ZIC5: variants seen among roughly 807,000 people sequenced by gnomAD.
The protein encoded by ZIC5 is zinc finger protein ZIC 5.
In ZIC5, 20 loss-of-function variants were observed where a neutral mutation model predicts 28.5. That is an observed-to-expected ratio of 0.70 (90% CI 0.49 to 1.02). The LOEUF (loss-of-function observed/expected upper bound fraction) is 1.02. Ranked by LOEUF, ZIC5 falls within the 50% of genes least tolerant of loss-of-function variation. The pLI is 0.00. For synonymous variants in ZIC5, 488 were observed against 410.4 expected, an observed-to-expected ratio of 1.19 and a Z score of -2.29; for missense variants, 951 against 899.7, an observed-to-expected ratio of 1.06 and a Z score of -0.73.
Position 99,965,574 on chromosome 13 carries a change from AG to A in ZIC5, c.1722del (p.Leu575CysfsTer19). ...CTGGCTGGGTCCAGCACAGGGGACA[AG>A]GGGGCGCCCACTGGAGTCCCCACTG... ...YSSVGTPVGA[P>X]LSPVLDPARS... On this transcript the variant is annotated frameshift_variant, in exon 2 of 2. Coordinates refer to ENST00000267294, the MANE Select transcript of ZIC5 (RefSeq NM_033132.5). LOFTEE classifies it high-confidence loss of function. 2 of 1,613,890 alleles carry A rather than the reference AG, an allele frequency of 1.2e-6. No individual in the cohort carries two copies. Among genetic ancestry groups the A allele is most frequent in the Non-Finnish European group, 1.7e-6 (2 of 1,179,890 alleles).
chr13:99,970,962 G>T lies in ZIC5; in HGVS notation c.642C>A (p.Ala214=). Reference sequence around the variant, plus strand: ...TGCCGCTGGCGGAGATGAACATGCCGGCCGAGTGGGGAGGCGGGGCCGGGT... The same window carrying T: ...TGCCGCTGGCGGAGATGAACATGCCTGCCGAGTGGGGAGGCGGGGCCGGGT... ...PQHPAPPPHS[A]GMFISASGTY... The change falls in exon 1 of 2, where the codon GCC becomes GCA. Residue 214 remains alanine (A), a synonymous_variant. Coordinates refer to ENST00000267294, the MANE Select transcript of ZIC5 (RefSeq NM_033132.5). 1 of 1,398,756 alleles carries T rather than the reference G, an allele frequency of 7.1e-7. No homozygotes were observed. Among genetic ancestry groups the T allele is most frequent in the Non-Finnish European group, 9.2e-7 (1 of 1,088,148 alleles). 86.6% of individuals were successfully genotyped at this position (1,398,756 alleles called of 1,614,324 possible).
chr13:99,971,283 G>A lies in ZIC5; in HGVS notation c.321C>T (p.Pro107=). 7.4e-7 allele frequency: 1 copy of A among 1,344,382 alleles called. No homozygotes were observed. Among genetic ancestry groups the A allele is most frequent in the South Asian group, 1.9e-5 (1 of 51,296 alleles). The allele number at this position is 1,344,382 out of a possible 1,614,324, so 83.3% of individuals were successfully genotyped here. ...AARAAALVAH[P]GAGSYPCGGG... Reference sequence around the variant, plus strand: ...CGCCGCAGGGGTAGCTGCCCGCGCCGGGGTGCGCGACCAAGGCTGCAGCAC... The same window carrying A: ...CGCCGCAGGGGTAGCTGCCCGCGCCAGGGTGCGCGACCAAGGCTGCAGCAC... The change falls in exon 1 of 2, where the codon CCC becomes CCT. Residue 107 remains proline, a synonymous_variant. Transcript: ENST00000267294.
chr13:99,967,408 C>T (rs1360041082), intron 1 of ZIC5, among the ~76,000 whole-genome samples: 1 of 152,226 alleles, frequency 6.6e-6, no homozygotes, highest in Non-Finnish European at 1.5e-5. Context: ...TGTAGATGAG[C>T]TTTAACAAAA....
chr13:99,971,309 G>C lies in ZIC5; in HGVS notation c.295C>G (p.Arg99Gly). Residue 99 changes from arginine (R) to glycine (G), a missense_variant, in exon 1 of 2, where the codon CGT (arginine) becomes GGT (glycine). Around this residue, in one of 3 missense-constraint regions of ZIC5, gnomAD observed 784 missense variants for 660.1 expected, o/e 1.19. Coordinates refer to ENST00000267294, the MANE Select transcript of ZIC5 (RefSeq NM_033132.5). ...GGGTGCGCGACCAAGGCTGCAGCAC[G>C]GGCGGCGGCTGCCGGAGCCTCCGGG... ...AHPEAPAAAA[R>G]AAALVAHPGA... The C allele has an allele frequency of 1.6e-5, 22 of 1,369,724 alleles. No individual in the cohort carries two copies. Among genetic ancestry groups the C allele is most frequent in the Non-Finnish European group, 2.1e-5 (22 of 1,072,100 alleles). The allele number at this position is 1,369,724 out of a possible 1,614,324, so 84.8% of individuals were successfully genotyped here.
In ZIC5 at chr13:99,964,648, G is replaced by C. The variant is rs969172629; in HGVS notation, c.*729C>G. The C allele has an allele frequency of 2.6e-5, 4 of 152,510 alleles. No individual in the cohort carries two copies. The highest frequency in any genetic ancestry group is 7.2e-5 in the African/African-American group (3 of 41,392). The allele number at this position is 152,510 out of a possible 1,614,324, so 9.4% of individuals were successfully genotyped here. A position where few individuals can be genotyped will look rare whatever the true frequency, so the allele number is the denominator to read the frequency against. On this transcript the variant is annotated 3_prime_UTR_variant, in exon 2 of 2. Transcript: ENST00000267294. ...GATATGGAGATATATTAAGGTTGCT[G>C]CATCTTTTTTTAAAATCACACAGTA...
Position 99,965,350 on chromosome 13 carries a change from T to G in ZIC5, c.*27A>C. ...TGGTCCAAGGACTCCCACTTATTAT[T>G]TCACTTATTATTATTAATAATAAAT... On this transcript the variant is annotated 3_prime_UTR_variant, in exon 2 of 2. Coordinates refer to ENST00000267294, the MANE Select transcript of ZIC5 (RefSeq NM_033132.5). 2 of 1,586,094 alleles carry G rather than the reference T, an allele frequency of 1.3e-6. No homozygotes were observed. Among genetic ancestry groups the G allele is most frequent in the Non-Finnish European group, 1.7e-6 (2 of 1,167,068 alleles).
At chr13:99,966,284 T>C (rs959037959) in intron 1 of ZIC5, among the ~76,000 whole-genome samples, 1 of 152,034 alleles carries the variant, frequency 6.6e-6, no homozygotes, top group Non-Finnish European at 1.5e-5. Flanking sequence ...AGCAAACACA[T>C]ACACTAAATT....
chr13:99,963,005 T>C lies in ZIC5; in HGVS notation c.*2372A>G, dbSNP rs778450410. ...TCTATTTGTATGAGAGATATGCCAT[T>C]ATGTAAAACATAAGCAATAATAACA... On this transcript the variant is annotated 3_prime_UTR_variant, in exon 2 of 2. Transcript: ENST00000267294. 8 of 152,242 alleles carry C rather than the reference T, an allele frequency of 5.3e-5. No individual in the cohort carries two copies. Among genetic ancestry groups the C allele is most frequent in the Non-Finnish European group, 8.8e-5 (6 of 68,050 alleles). 9.4% of individuals were successfully genotyped at this position (152,242 alleles called of 1,614,324 possible).
In ZIC5 at chr13:99,970,012, C is replaced by G. The variant is rs2053135100; in HGVS notation, c.1477+115G>C. 5 of 1,499,480 alleles carry G rather than the reference C, an allele frequency of 3.3e-6. No homozygotes were observed. In the South Asian group the frequency reaches 4.7e-5, roughly 14 times the overall value. The allele number at this position is 1,499,480 out of a possible 1,614,324, so 92.9% of individuals were successfully genotyped here. On this transcript the variant is annotated intron_variant, in intron 1 of 1. Transcript: ENST00000267294. ...GTTATACGTATGCGAAGAGAAGCAG[C>G]AGAAGGAGAAAAAAATTAAGGCGAG...
chr13:99,966,651 C>T lies in ZIC5; in HGVS notation c.1478-832G>A, dbSNP rs187363401. ...TTACTTTATGCCATAAGTATACTTA[C>T]TCTCACAGCTCCCTACATTGCTTAC... On this transcript the variant is annotated intron_variant, in intron 1 of 1. Transcript: ENST00000267294. 5.3e-5 allele frequency among the ~76,000 whole-genome samples: 8 copies of T among 152,308 alleles called. No individual in the cohort carries two copies. The East Asian group carries it at 1.5e-3, about 29-fold the overall frequency.
At position 99,971,276 on chromosome 13, in the gene ZIC5, C is replaced by T; in HGVS notation, c.328G>A (p.Gly110Ser). The change falls in exon 1 of 2, where the codon GGC becomes AGC. Residue 110 changes from glycine to serine, a missense_variant. Physicochemically the swap from Gly to Ser is moderately conservative, Grantham distance 56. This residue lies in a region of ZIC5 where 784 missense variants were observed against 660.1 expected (regional missense o/e 1.19). Transcript: ENST00000267294. ...CTGCCCCCGCCGCAGGGGTAGCTGC[C>T]CGCGCCGGGGTGCGCGACCAAGGCT... ...AAALVAHPGAGSYPCGGGSSG... is the reference protein window; with the variant it reads ...AAALVAHPGASSYPCGGGSSG... 1.5e-6 allele frequency: 2 copies of T among 1,341,910 alleles called. No individual in the cohort carries two copies. The highest frequency in any genetic ancestry group is 1.9e-6 in the Non-Finnish European group (2 of 1,055,852). The allele number at this position is 1,341,910 out of a possible 1,614,324, so 83.1% of individuals were successfully genotyped here. A position where few individuals can be genotyped will look rare whatever the true frequency, so the allele number is the denominator to read the frequency against.
At chr13:99,966,913 A>T (rs1398542781) in intron 1 of ZIC5, among the ~76,000 whole-genome samples, 1 of 152,262 alleles carries the variant, frequency 6.6e-6, no homozygotes, top group Non-Finnish European at 1.5e-5. Flanking sequence ...TCCCCTTGGT[A>T]TCTCTGAACT....
chr13:99,971,556 C>G lies in ZIC5; in HGVS notation c.48G>C (p.Ala16=). 1 of 1,552,864 alleles carries G rather than the reference C, an allele frequency of 6.4e-7. No homozygotes were observed. The highest frequency in any genetic ancestry group is 8.7e-7 in the Non-Finnish European group (1 of 1,147,500). Residue 16 remains alanine, a synonymous_variant, in exon 1 of 2, where the codon GCG becomes GCC. Coordinates refer to ENST00000267294, the MANE Select transcript of ZIC5 (RefSeq NM_033132.5). ...GCTGGACCTGAGCCGTTGCCAAATC[C>G]GCTAATCTCAGCGCTGGCGGGTTCC... The part of the protein sequence containing the change: ...SKRNPPALRL[A]DLATAQVQPL...
In ZIC5 at chr13:99,971,160, AGGAGGAGGAGGCGGGGGAGGG is replaced by A; in HGVS notation, c.423_443del (p.Pro143_Pro149del). ...TGGTGGTGTAGCCCGAGAGGGCAGG[AGGAGGAGGAGGCGGGGGAGGG>A]GGAGGGGGTGAAGGGGTGGGAGGAA... On this transcript the variant is annotated inframe_deletion, in exon 1 of 2. Transcript: ENST00000267294. 9.5e-7 allele frequency: 1 copy of A among 1,051,200 alleles called. No individual in the cohort carries two copies. The highest frequency in any genetic ancestry group is 1.1e-6 in the Non-Finnish European group (1 of 874,038). The allele number at this position is 1,051,200 out of a possible 1,614,324, so 65.1% of individuals were successfully genotyped here.
At position 99,970,863 on chromosome 13, in the gene ZIC5, G is replaced by T; in HGVS notation, c.741C>A (p.Gly247=). 3 of 1,263,760 alleles carry T rather than the reference G, an allele frequency of 2.4e-6. No individual in the cohort carries two copies. The highest frequency in any genetic ancestry group is 2.0e-6 in the Non-Finnish European group (2 of 1,012,496). The allele number at this position is 1,263,760 out of a possible 1,614,324, so 78.3% of individuals were successfully genotyped here. ...PALHDTPGAP[G]GHPHPLNGQM... ...GGCCGTTGAGCGGGTGCGGGTGGCC[G>T]CCTGGGGCCCCCGGCGTGTCGTGCA... Residue 247 remains glycine (G), a synonymous_variant, in exon 1 of 2, where the codon GGC becomes GGA. Coordinates refer to ENST00000267294, the MANE Select transcript of ZIC5 (RefSeq NM_033132.5).
chr13:99,968,594 G>C (rs575843648), intron 1 of ZIC5, among the ~76,000 whole-genome samples: 2,268 of 152,146 alleles, frequency 0.015, 64 homozygotes, highest in African/African-American at 0.052. Context: ...CTGGGCAGGC[G>C]GGAAGGGCCC....
chr13:99,966,970 T>C (rs1271222173), intron 1 of ZIC5, among the ~76,000 whole-genome samples: 1 of 152,240 alleles, frequency 6.6e-6, no homozygotes, highest in Non-Finnish European at 1.5e-5. Context: ...ATACATATTA[T>C]TGAATTAATA....
chr13:99,965,429 G>C lies in ZIC5; in HGVS notation c.1868C>G (p.Thr623Ser), dbSNP rs770110447. 2.5e-6 allele frequency: 4 copies of C among 1,613,988 alleles called. No homozygotes were observed. Among genetic ancestry groups the C allele is most frequent in the African/African-American group, 2.7e-5 (2 of 74,894 alleles). Reference sequence around the variant, plus strand: ...GTTCCCGTAAATTTCCTCATCTTCAGTCTCAGAGGTGGTTCCGTTGCTGGA... The same window carrying C: ...GTTCCCGTAAATTTCCTCATCTTCACTCTCAGAGGTGGTTCCGTTGCTGGA... ...TPSSNGTTSE[T>S]EDEEIYGNPE... is the part of the protein sequence containing the mutation. The change falls in exon 2 of 2, where the codon ACT (threonine) becomes AGT (serine). Residue 623 changes from threonine (T) to serine (S), a missense_variant. Physicochemically the swap from Thr to Ser is moderately conservative, Grantham distance 58 (BLOSUM62 1). Transcript: ENST00000267294.
chr13:99,965,888 CAGAACCA>C (rs2053096521), intron 1 of ZIC5, 69 bp from the exon 2 acceptor site: 1 of 1,502,002 alleles, frequency 6.7e-7, no homozygotes, highest in African/African-American at 1.4e-5. Context: ...AATCTTGAAG[CAGAACCA>C]AGGTTGTGTT....
Sources: gnomAD v4.1 joint callset for allele counts (sites outside exome capture counted in the v4.1 genomes callset) on GRCh38, gnomAD v4.1.1 for gene constraint, gnomAD v4.1.1 regional missense constraint, MANE v1.5 for transcripts, NCBI Gene and HGNC (gene_info 2026-07-23, HGNC 2026-07-21) for gene names.